KAT14: variants seen among roughly 807,000 people sequenced by gnomAD.
The protein encoded by KAT14 is lysine acetyltransferase 14, also known as cysteine-rich protein 2-binding protein.
In KAT14, 66 loss-of-function variants were observed where a neutral mutation model predicts 78.4. The observed-to-expected ratio is 0.84, with a 90% CI of 0.69 to 1.03. The LOEUF (loss-of-function observed/expected upper bound fraction) is 1.03. Among genes scored for constraint, KAT14 ranks in the 50% least tolerant of loss-of-function variants. KAT14 has a pLI of 0.00. For missense variants in KAT14, 870 were observed against 972.5 expected, an observed-to-expected ratio of 0.89 and a Z score of 1.40; for synonymous variants, 344 against 359.4, an observed-to-expected ratio of 0.96 and a Z score of 0.48.
chr20:18,176,416 T>A (rs1484604304), intron 7 of KAT14, among the ~76,000 whole-genome samples: 1 of 151,978 alleles, frequency 6.6e-6, no homozygotes, highest in African/African-American at 2.4e-5. Context: ...GGAGCTGACA[T>A]TAACTAGCTC....
intron 10 of KAT14, among the ~76,000 whole-genome samples, chr20:18,185,157 CTAT>C (rs747452291): frequency 5.9e-5 from 9 of 152,094 alleles, no homozygotes; most frequent in Non-Finnish European, 1.3e-4. Flanking sequence ...GAGGGTAGGA[CTAT>C]TATTTTTATT....
Position 18,187,530 on chromosome 20 carries a change from G to A in KAT14, c.*71G>A, listed in dbSNP as rs2039488439. 6.3e-7 allele frequency: 1 copy of A among 1,593,160 alleles called. No individual in the cohort carries two copies. On this transcript the variant is annotated 3_prime_UTR_variant, in exon 11 of 11. Transcript: ENST00000688188. ...GTCTTTGTGGAGATCTAAAGGCAGT[G>A]ATTGATTTCACAGGGAGCTCTAATC... is the stretch of plus-strand genomic sequence containing the variant.
At chr20:18,175,743 G>A (rs768735357) in intron 7 of KAT14, among the ~76,000 whole-genome samples, 34 of 151,798 alleles carry the variant, frequency 2.2e-4, no homozygotes, top group Admixed American at 2.0e-4. Context: ...ACCGAGAGCC[G>A]AAACATGGCT....
At chr20:18,169,762 CA>C (rs1390633739) in intron 7 of KAT14, among the ~76,000 whole-genome samples, 1 of 152,218 alleles carries the variant, frequency 6.6e-6, no homozygotes, top group Admixed American at 6.5e-5. Context: ...GAAAGCATTT[CA>C]AAAGCAGAGA....
intron 10 of KAT14, among the ~76,000 whole-genome samples, chr20:18,186,278 A>G (rs775709253): frequency 5.3e-5 from 8 of 152,220 alleles, no homozygotes; most frequent in Non-Finnish European, 1.0e-4. Context: ...GGTGGCGCAC[A>G]GTCGCTGGCA....
At chr20:18,147,942 A>G (rs2037886307) in intron 3 of KAT14, among the ~76,000 whole-genome samples, 1 of 152,208 alleles carries the variant, frequency 6.6e-6, no homozygotes, top group Admixed American at 6.5e-5. Flanking sequence ...CACTTCCAAA[A>G]TACGTATTGA....
At chr20:18,171,550 G>A (rs1007782646) in intron 7 of KAT14, among the ~76,000 whole-genome samples, 4 of 152,202 alleles carry the variant, frequency 2.6e-5, no homozygotes, top group African/African-American at 4.8e-5. Context: ...AGTGGCTCAC[G>A]CCTGTAATCC....
At chr20:18,145,612 T>G (rs1294381585) in intron 3 of KAT14, among the ~76,000 whole-genome samples, 2 of 152,072 alleles carry the variant, frequency 1.3e-5, no homozygotes, top group African/African-American at 4.8e-5. Context: ...GAAACCCCAT[T>G]TCCATTGAAA....
At chr20:18,183,381 C>A (rs2039336356) in intron 9 of KAT14, 83 bp downstream of exon 9, 1 of 1,431,594 alleles carries the variant, frequency 7.0e-7, no homozygotes, top group African/African-American at 1.5e-5. Context: ...TATGTGATAT[C>A]CTTAAGATTT....
rs377654180 is a variant in KAT14 at position 18,183,207 on chromosome 20, G to T, written c.1890G>T (p.Thr630=). 3.7e-6 allele frequency: 6 copies of T among 1,613,958 alleles called. No homozygotes were observed. In the African/African-American group the frequency reaches 8.0e-5, roughly 22 times the overall value. Residue 630 remains threonine (T), a synonymous_variant, in exon 9 of 11, where the codon ACG becomes ACT. Coordinates refer to ENST00000688188, the MANE Select transcript of KAT14 (RefSeq NM_001392073.1). The part of the protein sequence containing the change: ...SHLHRSDPHW[T]PEPDAPLDYC... ...TGCACAGGAGCGACCCTCACTGGAC[G>T]CCGGAGCCCGACGCACCTCTCGATT...
rs375503349 is a variant in KAT14, at chr20:18,150,928, T to C, written c.486T>C (p.Phe162=). The C allele has an allele frequency of 6.7e-5, 108 of 1,614,010 alleles. No homozygotes were observed. The highest frequency in any genetic ancestry group is 8.7e-5 in the Non-Finnish European group (103 of 1,179,970). ...CTTTTATTGAGAAACATTGGACTTTTTTACTAGGGAATAGGTAATGTGTTT... is the reference window on the plus strand; with the variant it reads ...CTTTTATTGAGAAACATTGGACTTTCTTACTAGGGAATAGGTAATGTGTTT... ...ICAFIEKHWT[F]LLGNRKKTST... The change falls in exon 4 of 11, where the codon TTT becomes TTC. Residue 162 remains phenylalanine (F), a synonymous_variant. Transcript: ENST00000688188.
In KAT14 at chr20:18,181,846, G is replaced by A. The variant is rs1056368648; in HGVS notation, c.1805G>A (p.Arg602Lys). Residue 602 changes from arginine to lysine, a missense_variant and splice_region_variant, in exon 8 of 11, where the codon AGG (arginine) becomes AAG (lysine). By Grantham distance (26) the Arg-to-Lys change is conservative. Coordinates refer to ENST00000688188, the MANE Select transcript of KAT14 (RefSeq NM_001392073.1). ...YTSRILKPYI[R>K]RDYETKPPKL... Reference sequence around the variant, plus strand: ...TCTCGGATCTTGAAACCTTATATCAGGTATATGGAGAACTAGAGGTGTGAT... The same window carrying A: ...TCTCGGATCTTGAAACCTTATATCAAGTATATGGAGAACTAGAGGTGTGAT... The A allele has an allele frequency of 1.2e-6, 2 of 1,613,682 alleles. No individual in the cohort carries two copies. Among genetic ancestry groups the A allele is most frequent in the African/African-American group, 2.7e-5 (2 of 74,868 alleles).
Position 18,161,834 on chromosome 20 carries a change from A to G in KAT14, c.694A>G (p.Thr232Ala), listed in dbSNP as rs1384772068. The G allele has an allele frequency of 6.2e-7, 1 of 1,613,058 alleles. No homozygotes were observed. Among genetic ancestry groups the G allele is most frequent in the East Asian group, 2.2e-5 (1 of 44,876 alleles). Residue 232 changes from threonine to alanine, a missense_variant, in exon 6 of 11, where the codon ACT becomes GCT. Coordinates refer to ENST00000688188, the MANE Select transcript of KAT14 (RefSeq NM_001392073.1). Reference protein sequence around the residue: ...STLKIKASKPTLDPIITVEGL... With the variant: ...STLKIKASKPALDPIITVEGL... ...TTCTTTCTTAGCAGCCTCAAAACCA[A>G]CTTTAGATCCCATCATTACTGTTGA...
chr20:18,179,596 G>A (rs1397894468), intron 7 of KAT14, among the ~76,000 whole-genome samples: 3 of 152,170 alleles, frequency 2.0e-5, no homozygotes, highest in African/African-American at 7.2e-5. Context: ...AGCGGCTGGG[G>A]CACAGGGCGG....
At chr20:18,185,471 G>T (rs2039422216) in intron 10 of KAT14, among the ~76,000 whole-genome samples, 1 of 152,128 alleles carries the variant, frequency 6.6e-6, no homozygotes, top group East Asian at 1.9e-4. Flanking sequence ...CGAGTGCTGG[G>T]ATTATGGGCA....
chr20:18,143,621 TTTTTTATTTTA>T (rs1369131165), intron 2 of KAT14, among the ~76,000 whole-genome samples: 3 of 125,514 alleles, frequency 2.4e-5, no homozygotes, highest in Admixed American at 8.1e-5. Flanking sequence ...GCTAATTTTT[TTTTTTATTTTA>T]TTTTTTTTTT....
chr20:18,137,921 G>T lies in KAT14; in HGVS notation c.-584G>T, dbSNP rs2037352571. ...TGCGGCGGCCTCTGCGCCTCGGGCG[G>T]GCGGGAGAGAGAGGCCGCGGCCGCC... is the stretch of plus-strand genomic sequence containing the variant. On this transcript the variant is annotated 5_prime_UTR_variant, in exon 1 of 11. Transcript: ENST00000688188. The T allele has an allele frequency of 6.8e-7, 1 of 1,470,044 alleles. No individual in the cohort carries two copies. Among genetic ancestry groups the T allele is most frequent in the Non-Finnish European group, 8.9e-7 (1 of 1,117,616 alleles). 91.1% of individuals were successfully genotyped at this position (1,470,044 alleles called of 1,614,324 possible).
At chr20:18,143,794 A>G (rs946292225) in intron 2 of KAT14, among the ~76,000 whole-genome samples, 4 of 151,150 alleles carry the variant, frequency 2.6e-5, no homozygotes, top group Admixed American at 2.6e-4. Context: ...TGCCCGGCCA[A>G]TTTTGTATTT....
At chr20:18,170,974 G>A (rs1386673182) in intron 7 of KAT14, among the ~76,000 whole-genome samples, 1 of 152,202 alleles carries the variant, frequency 6.6e-6, no homozygotes, top group East Asian at 1.9e-4. Flanking sequence ...CATGGATCAA[G>A]GAGTAATTTT....
Sources: allele counts gnomAD v4.1 joint callset (sites outside exome capture counted in the v4.1 genomes callset), GRCh38; gene constraint gnomAD v4.1.1; transcripts MANE v1.5; gene names NCBI Gene and HGNC (gene_info 2026-07-23, HGNC 2026-07-21).